The following RIT2 variants were observed in gnomAD, a reference collection of about 807,000 sequenced individuals.
RIT2 encodes the protein Ras like without CAAX 2.
RIT2 carries 24 observed loss-of-function variants against 23.7 expected under a neutral mutation model. The observed-to-expected ratio is 1.01, with a 90% confidence interval of 0.73 to 1.43. The LOEUF is 1.43. Among genes scored for constraint, RIT2 ranks in the 40% most tolerant of loss-of-function variants. The probability of loss-of-function intolerance (pLI) is 0.00; values close to 1 mark genes in which losing one functional copy is unlikely to be tolerated. For synonymous variants in RIT2, 107 were observed against 91.1 expected (o/e 1.17, Z -0.99); for missense variants, 236 against 266.9 (o/e 0.88, Z 0.81).
At chr18:42,787,480 T>G (rs1324031298) in intron 4 of RIT2, among the ~76,000 whole-genome samples, 1 of 152,026 alleles carries the variant, frequency 6.6e-6, no homozygotes, top group African/African-American at 2.4e-5. Context: ...AAGAAATATT[T>G]TTTGAGTACT....
chr18:43,055,073 C>A (rs1449522350), intron 1 of RIT2, among the ~76,000 whole-genome samples: 1 of 152,056 alleles, frequency 6.6e-6, no homozygotes, highest in South Asian at 2.1e-4. Flanking sequence ...ATTTAAAAAG[C>A]TTTTGAGCTG....
chr18:42,748,641 C>A (rs964215382), intron 4 of RIT2, among the ~76,000 whole-genome samples: 1 of 151,948 alleles, frequency 6.6e-6, no homozygotes, highest in African/African-American at 2.4e-5. Context: ...CTTGCACATG[C>A]ATATTTATAG....
intron 3 of RIT2, among the ~76,000 whole-genome samples, chr18:42,954,144 G>A (rs965734598): frequency 1.3e-5 from 2 of 152,120 alleles, no homozygotes; most frequent in African/African-American, 2.4e-5. Flanking sequence ...TTGGGAGGCC[G>A]AGGCAGGCAG....
chr18:42,815,189 G>A (rs2622327), intron 4 of RIT2, among the ~76,000 whole-genome samples: 149,585 of 152,240 alleles, frequency 0.98, 73,564 homozygotes, highest in Middle Eastern at 1. Context: ...ATTTACCTGA[G>A]AGAGAATTCA....
At chr18:43,107,452 C>T (rs948477823) in intron 1 of RIT2, among the ~76,000 whole-genome samples, 1 of 152,184 alleles carries the variant, frequency 6.6e-6, no homozygotes, top group Non-Finnish European at 1.5e-5. Flanking sequence ...CACACAAACA[C>T]TCTTTTGTCA....
At chr18:43,073,162 T>C (rs371740041) in intron 1 of RIT2, among the ~76,000 whole-genome samples, 4 of 152,156 alleles carry the variant, frequency 2.6e-5, no homozygotes, top group Admixed American at 2.0e-4. Context: ...TCTGGAAAAG[T>C]TAATGCTCCC....
chr18:43,080,902 G>C (rs1476993572), intron 1 of RIT2, among the ~76,000 whole-genome samples: 1 of 152,082 alleles, frequency 6.6e-6, no homozygotes, highest in Non-Finnish European at 1.5e-5. Context: ...TCCAAACTAG[G>C]ACACTTTTGA....
chr18:42,789,268 G>A (rs1913989263), intron 4 of RIT2, among the ~76,000 whole-genome samples: 2 of 152,140 alleles, frequency 1.3e-5, no homozygotes, highest in Non-Finnish European at 2.9e-5. Context: ...TGTTGACATT[G>A]TAGATTCTCT....
chr18:42,996,701 C>T (rs1910992819), intron 2 of RIT2, among the ~76,000 whole-genome samples: 1 of 152,030 alleles, frequency 6.6e-6, no homozygotes, highest in Non-Finnish European at 1.5e-5. Context: ...ACCCCTATCT[C>T]CCTTCGCTGA....
chr18:42,775,954 T>G (rs1250430407), intron 4 of RIT2, among the ~76,000 whole-genome samples: 1 of 151,826 alleles, frequency 6.6e-6, no homozygotes, highest in Non-Finnish European at 1.5e-5. Context: ...AGTAAAAAAA[T>G]AAATAAGTAT....
intron 3 of RIT2, among the ~76,000 whole-genome samples, chr18:42,964,974 G>C (rs1442951501): frequency 2.7e-5 from 3 of 112,210 alleles, no homozygotes; most frequent in Non-Finnish European, 6.3e-5. Context: ...AGCAAAAACA[G>C]TTGATTCTCA....
chr18:42,828,119 T>C (rs988347402), intron 4 of RIT2, among the ~76,000 whole-genome samples: 5 of 152,008 alleles, frequency 3.3e-5, no homozygotes, highest in African/African-American at 1.2e-4. Context: ...TCGTAAGTGC[T>C]GACAAGGATA....
At chr18:42,869,411 C>T (rs918937508) in intron 4 of RIT2, among the ~76,000 whole-genome samples, 3 of 152,180 alleles carry the variant, frequency 2.0e-5, no homozygotes, top group African/African-American at 7.2e-5. Flanking sequence ...AGGTCCATTG[C>T]CTGGGTTTTG....
intron 4 of RIT2, among the ~76,000 whole-genome samples, chr18:42,840,152 A>G (rs1319507729): frequency 6.6e-6 from 1 of 152,178 alleles, no homozygotes; most frequent in Non-Finnish European, 1.5e-5. Flanking sequence ...GCTTGTTTCC[A>G]CTATAAAGCT....
At chr18:43,062,140 C>A (rs749060562) in intron 1 of RIT2, among the ~76,000 whole-genome samples, 1 of 151,878 alleles carries the variant, frequency 6.6e-6, no homozygotes, top group Non-Finnish European at 1.5e-5. Flanking sequence ...GCAAAAAAGC[C>A]GCAACATAGG....
chr18:42,929,628 G>A (rs528017672), intron 3 of RIT2, among the ~76,000 whole-genome samples: 53 of 152,250 alleles, frequency 3.5e-4, no homozygotes, highest in African/African-American at 1.3e-3. Context: ...TGCATAATTT[G>A]TAGATCCCAA....
intron 4 of RIT2, among the ~76,000 whole-genome samples, chr18:42,843,545 G>T (rs1906826033): frequency 6.6e-6 from 1 of 152,152 alleles, no homozygotes; most frequent in South Asian, 2.1e-4. Flanking sequence ...AGCCACAAAA[G>T]GTAAAAGCTG....
intron 1 of RIT2, among the ~76,000 whole-genome samples, chr18:43,035,684 C>T (rs1471300116): frequency 6.6e-6 from 1 of 152,144 alleles, no homozygotes; most frequent in Non-Finnish European, 1.5e-5. Context: ...TTTGATTTCC[C>T]TGCCTTCAGC....
chr18:43,022,344 T>C (rs1911616678), intron 2 of RIT2, among the ~76,000 whole-genome samples: 1 of 152,074 alleles, frequency 6.6e-6, no homozygotes, highest in African/African-American at 2.4e-5. Flanking sequence ...GGCTAATATG[T>C]AGAAACATAC....
Sources: gnomAD v4.1 joint callset for allele counts (sites outside exome capture counted in the v4.1 genomes callset) on GRCh38, gnomAD v4.1.1 for gene constraint, MANE v1.5 for transcripts, NCBI Gene and HGNC (gene_info 2026-07-23, HGNC 2026-07-21) for gene names.